PHF3: variants seen among roughly 807,000 people sequenced by gnomAD.
PHF3 encodes the protein PHD finger protein 3.
In PHF3, 41 loss-of-function variants were observed where a neutral mutation model predicts 178.4. The ratio of observed to expected loss-of-function variants is 0.23; its 90% CI spans 0.18 to 0.30. The LOEUF (loss-of-function observed/expected upper bound fraction) is 0.30, where lower values mean the gene tolerates loss of function less well. Ranked by LOEUF, PHF3 falls within the 10% of genes least tolerant of loss-of-function variation. The pLI is 1.00. For missense variants in PHF3, 2,346 were observed against 2,398.1 expected (o/e 0.98, Z 0.45); for synonymous variants, 842 against 800.5 (o/e 1.05, Z -0.88).
rs575181835 is a variant in PHF3, at chr6:63,716,686, C to T, written c.*2978C>T. ...TTTCAGGGAGATTCCTTTTTTTTTG[C>T]GCCTTGGTTTCTAGCTTCTAGAGGG... On this transcript the variant is annotated 3_prime_UTR_variant, in exon 16 of 16. Transcript: ENST00000262043. Among the ~76,000 whole-genome samples, 12 of 150,776 alleles carry T rather than the reference C, an allele frequency of 8.0e-5. No homozygotes were observed. The highest frequency in any genetic ancestry group is 2.4e-4 in the African/African-American group (10 of 41,006).
rs575895977 is a variant in PHF3 at position 63,725,533 on chromosome 6, C to T, written c.*11825C>T. Among the ~76,000 whole-genome samples the T allele has an allele frequency of 2.0e-5, 3 of 151,996 alleles. No individual in the cohort carries two copies. The highest frequency in any genetic ancestry group is 4.2e-4 in the South Asian group (2 of 4,816). On this transcript the variant is annotated 3_prime_UTR_variant, in exon 16 of 16. Transcript: ENST00000262043. ...AAAATTTATGTTTGTATGTGGTTCT[C>T]CTATTTGACATTTTCACAGGGAGAT...
intron 6 of PHF3, among the ~76,000 whole-genome samples, chr6:63,695,913 G>A (rs766724457): frequency 2.6e-5 from 4 of 152,132 alleles, no homozygotes; most frequent in Admixed American, 1.3e-4. Flanking sequence ...ATTAGACATC[G>A]AGATGGAAAT....
rs1768413890 is a variant in PHF3, at chr6:63,721,926, G to C, written c.*8218G>C. 3 of 834,330 alleles carry C rather than the reference G, an allele frequency of 3.6e-6. No individual in the cohort carries two copies. Among genetic ancestry groups the C allele is most frequent in the African/African-American group, 1.7e-5 (1 of 58,006 alleles). The allele number at this position is 834,330 out of a possible 1,614,324, so 51.7% of individuals were successfully genotyped here. ...AAAGTAACAGATCTTGAGCACAATT[G>C]TGTTAGTTTTGTTTCCACTCACAGA... On this transcript the variant is annotated 3_prime_UTR_variant, in exon 16 of 16. Transcript: ENST00000262043.
chr6:63,691,948 G>T lies in PHF3; in HGVS notation c.2401G>T (p.Glu801Ter). The change falls in exon 5 of 16, where the codon GAG becomes TAG. Residue 801 changes from glutamate to a stop codon, truncating the protein, a stop_gained. Transcript: ENST00000262043. LOFTEE classifies it high-confidence loss of function. ...VEFHSGDKTM[E>*]CEKLGLSKHT... ...ATTCCATAGTGGAGATAAAACAATG[G>T]AGTGTGAAAAGCTTGGATTATCAAA... The T allele has an allele frequency of 6.2e-7, 1 of 1,613,414 alleles. No homozygotes were observed. Among genetic ancestry groups the T allele is most frequent in the Non-Finnish European group, 8.5e-7 (1 of 1,179,668 alleles).
chr6:63,704,408 CA>C, intron 11 of PHF3, among the ~76,000 whole-genome samples: 1 of 151,672 alleles, frequency 6.6e-6, no homozygotes, highest in East Asian at 1.9e-4. Flanking sequence ...TCCCTTCCCC[CA>C]ACACCCCCAC....
intron 11 of PHF3, among the ~76,000 whole-genome samples, chr6:63,704,509 A>G (rs1411010337): frequency 3.3e-5 from 5 of 149,614 alleles, no homozygotes; most frequent in African/African-American, 1.2e-4. Flanking sequence ...AGTATGTAAC[A>G]TTTTCAGATT....
intron 2 of PHF3, among the ~76,000 whole-genome samples, chr6:63,666,219 A>C (rs936988966): frequency 6.6e-6 from 1 of 152,078 alleles, no homozygotes; most frequent in South Asian, 2.1e-4. Context: ...CTGTTTTTTC[A>C]TGTGTTTCTC....
chr6:63,641,324 TC>T (rs1235262588), intron 1 of PHF3, among the ~76,000 whole-genome samples: 4 of 152,096 alleles, frequency 2.6e-5, no homozygotes, highest in Non-Finnish European at 5.9e-5. Context: ...CATAGACCAA[TC>T]CCCCATCACC....
At chr6:63,700,159 A>G (rs970238790) in intron 8 of PHF3, among the ~76,000 whole-genome samples, 191 bp from the exon 9 acceptor site, 1 of 151,016 alleles carries the variant, frequency 6.6e-6, no homozygotes, top group Non-Finnish European at 1.5e-5. Flanking sequence ...TTTTATATGA[A>G]ATGTGTGTTT....
chr6:63,720,465 GAT>G lies in PHF3; in HGVS notation c.*6760_*6761del, dbSNP rs1400631458. 6.3e-6 allele frequency: 4 copies of G among 634,102 alleles called. No homozygotes were observed. Among genetic ancestry groups the G allele is most frequent in the African/African-American group, 1.9e-5 (1 of 52,986 alleles). The allele number at this position is 634,102 out of a possible 1,614,324, so 39.3% of individuals were successfully genotyped here. A position where few individuals can be genotyped will look rare whatever the true frequency, so the allele number is the denominator to read the frequency against. ...TGACATTTTACAATCTTATCAAAAA[GAT>G]ATGTTAGCATTTAGACTATTTCAGG... On this transcript the variant is annotated 3_prime_UTR_variant, in exon 16 of 16. Transcript: ENST00000262043.
chr6:63,712,086 A>T lies in PHF3; in HGVS notation c.4498A>T (p.Asn1500Tyr). ...QNTVKEIPFL[N>Y]EQTNSKIEKT... ...CACTGTTAAAGAAATTCCATTTTTA[A>T]ATGAGCAGACCAACTCAAAAATAGA... is the stretch of plus-strand genomic sequence containing the variant. Residue 1500 changes from asparagine (N) to tyrosine (Y), a missense_variant, in exon 16 of 16, where the codon AAT becomes TAT. Physicochemically the swap from Asn to Tyr is moderately radical, Grantham distance 143 (BLOSUM62 -2). Around this residue, in one of 8 missense-constraint regions of PHF3, gnomAD observed 839 missense variants for 806.9 expected, o/e 1.04. Transcript: ENST00000262043. 1.9e-6 allele frequency: 3 copies of T among 1,613,752 alleles called. No individual in the cohort carries two copies. The South Asian group carries it at 3.3e-5, about 18-fold the overall frequency.
rs1195768603 is a variant in PHF3 at position 63,723,525 on chromosome 6, A to G, written c.*9817A>G. Among the ~76,000 whole-genome samples, 1 of 152,114 alleles carries G rather than the reference A, an allele frequency of 6.6e-6. No individual in the cohort carries two copies. Among genetic ancestry groups the G allele is most frequent in the Non-Finnish European group, 1.5e-5 (1 of 68,022 alleles). Reference sequence around the variant, plus strand: ...GAAGAGCTACATTAGAATAAAAAATATCTAAGAAATGATTAGGAAAGCTGA... The same window carrying G: ...GAAGAGCTACATTAGAATAAAAAATGTCTAAGAAATGATTAGGAAAGCTGA... On this transcript the variant is annotated 3_prime_UTR_variant, in exon 16 of 16. Coordinates refer to ENST00000262043, the MANE Select transcript of PHF3 (RefSeq NM_001370348.2).
In PHF3 at chr6:63,717,776, C is replaced by T. The variant is rs924148180; in HGVS notation, c.*4068C>T. ...TGTGTATATATACATATATGTTAGC[C>T]CAAGCTGTCTTTTAAAACTCCTTAT... On this transcript the variant is annotated 3_prime_UTR_variant, in exon 16 of 16. Coordinates refer to ENST00000262043, the MANE Select transcript of PHF3 (RefSeq NM_001370348.2). 6.6e-6 allele frequency among the ~76,000 whole-genome samples: 1 copy of T among 151,862 alleles called. No homozygotes were observed. The highest frequency in any genetic ancestry group is 1.5e-5 in the Non-Finnish European group (1 of 67,910).
chr6:63,700,706 C>T (rs922055349), intron 9 of PHF3, among the ~76,000 whole-genome samples: 3 of 152,158 alleles, frequency 2.0e-5, no homozygotes, highest in African/African-American at 7.2e-5. Flanking sequence ...GCCTCAGCCT[C>T]CCAAGTAGCT....
Position 63,684,464 on chromosome 6 carries a change from G to A in PHF3, c.742G>A (p.Val248Met), listed in dbSNP as rs769197561. The change falls in exon 4 of 16, where the codon GTG becomes ATG. Residue 248 changes from valine to methionine, a missense_variant. By Grantham distance (21) the Val-to-Met change is conservative (BLOSUM62 1). Around this residue, in one of 8 missense-constraint regions of PHF3, gnomAD observed 843 missense variants for 795.2 expected, o/e 1.06. Coordinates refer to ENST00000262043, the MANE Select transcript of PHF3 (RefSeq NM_001370348.2). ...HKCNNPGEID[V>M]PSHELNCSLL... The stretch of plus-strand genomic sequence containing the variant: ...GTGTAATAATCCGGGAGAAATAGAT[G>A]TGCCATCTCATGAATTAAATTGTTC... 2.5e-6 allele frequency: 4 copies of A among 1,613,532 alleles called. No homozygotes were observed. In the South Asian group the frequency reaches 3.3e-5, roughly 13 times the overall value.
chr6:63,649,808 T>C (rs3800492), intron 2 of PHF3, among the ~76,000 whole-genome samples: 14,487 of 152,202 alleles, frequency 0.095, 747 homozygotes, highest in East Asian at 0.16. Context: ...CCCATTAATA[T>C]ATTTTTTTAA....
intron 2 of PHF3, among the ~76,000 whole-genome samples, chr6:63,653,074 A>AT (rs200115175): frequency 1.1e-3 from 40 of 35,366 alleles, no homozygotes; most frequent in African/African-American, 3.5e-3. Flanking sequence ...GGTTTTGGGG[A>AT]TTTTTTTTTC....
Position 63,685,101 on chromosome 6 carries a change from A to G in PHF3, c.1379A>G (p.Glu460Gly), listed in dbSNP as rs1430085879. ...AATGCTATAGAAAGTACTAAAATAG[A>G]GTCCCATGAAACAGCAAACCTTCAG... is the stretch of plus-strand genomic sequence containing the variant. ...QLNAIESTKI[E>G]SHETANLQDD... The change falls in exon 4 of 16, where the codon GAG becomes GGG. Residue 460 changes from glutamate (E) to glycine (G), a missense_variant. By Grantham distance (98) the Glu-to-Gly change is moderately conservative. This residue lies in a region of PHF3 where 843 missense variants were observed against 795.2 expected (regional missense o/e 1.06). Transcript: ENST00000262043. The G allele has an allele frequency of 1.1e-5, 18 of 1,613,968 alleles. No individual in the cohort carries two copies. Among genetic ancestry groups the G allele is most frequent in the Non-Finnish European group, 1.5e-5 (18 of 1,180,006 alleles).
intron 2 of PHF3, among the ~76,000 whole-genome samples, chr6:63,671,803 G>A (rs533542218): frequency 2.6e-5 from 4 of 152,324 alleles, no homozygotes; most frequent in Non-Finnish European, 5.9e-5. Flanking sequence ...TGGAGTTGCA[G>A]TGGTGCGATC....
Sources: gnomAD v4.1 joint callset for allele counts (sites outside exome capture counted in the v4.1 genomes callset) on GRCh38, gnomAD v4.1.1 for gene constraint, gnomAD v4.1.1 regional missense constraint, MANE v1.5 for transcripts, NCBI Gene and HGNC (gene_info 2026-07-23, HGNC 2026-07-21) for gene names.